DLGAP2: variants seen among roughly 807,000 people sequenced by gnomAD.
DLGAP2 encodes DLG associated protein 2, also known as disks large-associated protein 2.
A neutral mutation model predicts 100.3 loss-of-function variants in DLGAP2; 26 were observed. That is an observed-to-expected ratio of 0.26 (90% CI 0.19 to 0.36). The LOEUF is 0.36. Ranked by LOEUF, DLGAP2 falls within the 10% of genes least tolerant of loss-of-function variation. The probability of loss-of-function intolerance (pLI) is 1.00; values close to 1 mark genes in which losing one functional copy is unlikely to be tolerated. For synonymous variants in DLGAP2, 886 were observed against 630.1 expected (o/e 1.41, Z -6.08); for missense variants, 1,858 against 1,453.2 (o/e 1.28, Z -4.53).
At chr8:1,358,828 G>A (rs1801913223) in intron 3 of DLGAP2, among the ~76,000 whole-genome samples, 1 of 150,898 alleles carries the variant, frequency 6.6e-6, no homozygotes, top group South Asian at 2.1e-4. Context: ...TTTGTCATCA[G>A]AGGCAGAAAT....
At chr8:1,485,340 G>A (rs974666792) in intron 3 of DLGAP2, among the ~76,000 whole-genome samples, 3 of 152,132 alleles carry the variant, frequency 2.0e-5, no homozygotes, top group African/African-American at 7.2e-5. Flanking sequence ...GCATAGGCAG[G>A]ACTTATCTAT....
intron 3 of DLGAP2, among the ~76,000 whole-genome samples, chr8:1,454,632 C>T (rs1277226303): frequency 6.6e-6 from 1 of 152,164 alleles, no homozygotes; most frequent in Non-Finnish European, 1.5e-5. Context: ...GAGCTCCATT[C>T]CAGGGGCTGG....
At chr8:1,689,674 A>G (rs1394744617) in intron 12 of DLGAP2, among the ~76,000 whole-genome samples, 3 of 152,096 alleles carry the variant, frequency 2.0e-5, no homozygotes, top group Non-Finnish European at 2.9e-5. Flanking sequence ...CAGCTTGGCC[A>G]GAAGACGCAG....
intron 2 of DLGAP2, among the ~76,000 whole-genome samples, chr8:1,045,056 ATTTC>A (rs1263201366): frequency 6.6e-6 from 1 of 152,122 alleles, no homozygotes; most frequent in African/African-American, 2.4e-5. Context: ...CCTCCTGCCT[ATTTC>A]TTTCTTCTTT....
In DLGAP2 at chr8:1,092,772, A is replaced by G. The variant is rs375398487; in HGVS notation, c.74-166079A>G. Among the ~76,000 whole-genome samples the G allele has an allele frequency of 8.5e-5, 13 of 152,286 alleles. No homozygotes were observed. In the East Asian group the frequency reaches 2.5e-3, roughly 29 times the overall value. On this transcript the variant is annotated intron_variant, in intron 2 of 14. Coordinates refer to ENST00000637795, the MANE Select transcript of DLGAP2 (RefSeq NM_001346810.2). ...CCAGATGTGGCTCTCCCAGCAACACAGATGGTGTGGGGGACCCTCCCATGG... is the reference window on the plus strand; with the variant it reads ...CCAGATGTGGCTCTCCCAGCAACACGGATGGTGTGGGGGACCCTCCCATGG...
chr8:1,701,647 G>A lies in DLGAP2; in HGVS notation c.*241G>A. The A allele has an allele frequency of 1.8e-6, 1 of 562,124 alleles. No individual in the cohort carries two copies. Among genetic ancestry groups the A allele is most frequent in the Non-Finnish European group, 3.1e-6 (1 of 322,470 alleles). 34.8% of individuals were successfully genotyped at this position (562,124 alleles called of 1,614,324 possible). ...TTCACGGGTGGCCTGGCTCACACTTGGCTCTGAGGGACAGGTGTGGCGAGA... is the reference window on the plus strand; with the variant it reads ...TTCACGGGTGGCCTGGCTCACACTTAGCTCTGAGGGACAGGTGTGGCGAGA... On this transcript the variant is annotated 3_prime_UTR_variant, in exon 15 of 15. Coordinates refer to ENST00000637795, the MANE Select transcript of DLGAP2 (RefSeq NM_001346810.2).
At chr8:996,252 C>G (rs1800781487) in intron 2 of DLGAP2, among the ~76,000 whole-genome samples, 1 of 152,170 alleles carries the variant, frequency 6.6e-6, no homozygotes, top group African/African-American at 2.4e-5. Flanking sequence ...GAGATGGAGG[C>G]TGTGAGTTAC....
intron 3 of DLGAP2, among the ~76,000 whole-genome samples, chr8:1,333,809 C>T (rs10105323): frequency 0.31 from 47,309 of 152,168 alleles, 7,891 homozygotes; most frequent in African/African-American, 0.42. Context: ...TGGTCCATCT[C>T]CACCCGAACT....
intron 10 of DLGAP2, among the ~76,000 whole-genome samples, chr8:1,672,221 A>AT (rs1300619110): frequency 3.8e-5 from 5 of 131,664 alleles, no homozygotes; most frequent in Non-Finnish European, 7.7e-5. Context: ...GTTGTTTTTT[A>AT]TTTTTAATTT....
chr8:1,140,441 A>G lies in DLGAP2; in HGVS notation c.74-118410A>G, dbSNP rs140901407. 1.2e-3 allele frequency among the ~76,000 whole-genome samples: 184 copies of G among 152,208 alleles called. 3 individuals carry two copies. In the East Asian group the frequency reaches 0.03, roughly 25 times the overall value. On this transcript the variant is annotated intron_variant, in intron 2 of 14. Transcript: ENST00000637795. ...TCCCCTACCAGTGGTCTGTCCCAGC[A>G]ACTCCCAGAACCAGCCCTGGTGCCC... is the stretch of plus-strand genomic sequence containing the variant.
intron 2 of DLGAP2, among the ~76,000 whole-genome samples, chr8:1,161,586 G>A (rs148733419): frequency 2.0e-5 from 3 of 152,202 alleles, no homozygotes; most frequent in African/African-American, 7.2e-5. Context: ...CCCAAACTCC[G>A]CTCCACAGAA....
intron 3 of DLGAP2, among the ~76,000 whole-genome samples, chr8:1,424,311 T>C (rs552940527): frequency 6.6e-6 from 1 of 152,220 alleles, no homozygotes; most frequent in Non-Finnish European, 1.5e-5. Context: ...CAGAGACTTA[T>C]TAAGACGTGC....
chr8:1,343,150 G>T (rs1226950410), intron 3 of DLGAP2, among the ~76,000 whole-genome samples: 1 of 152,202 alleles, frequency 6.6e-6, no homozygotes, highest in Non-Finnish European at 1.5e-5. Flanking sequence ...ACCACCTGGA[G>T]GCTCAGGATA....
chr8:1,495,911 G>A (rs1554483983), intron 3 of DLGAP2, among the ~76,000 whole-genome samples: 3 of 152,192 alleles, frequency 2.0e-5, no homozygotes, highest in Non-Finnish European at 4.4e-5. Flanking sequence ...CCGGCGCCCA[G>A]CCTGTCCCGA....
intron 1 of DLGAP2, among the ~76,000 whole-genome samples, chr8:903,493 G>A (rs879275214): frequency 8.6e-5 from 13 of 151,486 alleles, no homozygotes; most frequent in Non-Finnish European, 1.8e-4. Flanking sequence ...AGCTAGTAAC[G>A]ACGGTCACCA....
At chr8:820,450 A>G (rs1030351300) in intron 1 of DLGAP2, among the ~76,000 whole-genome samples, 2 of 152,194 alleles carry the variant, frequency 1.3e-5, no homozygotes, top group African/African-American at 4.8e-5. Flanking sequence ...TAGAATAGAT[A>G]AGCATCCGGC....
chr8:1,463,457 C>T (rs1241565758), intron 3 of DLGAP2, among the ~76,000 whole-genome samples: 4 of 152,208 alleles, frequency 2.6e-5, no homozygotes, highest in African/African-American at 9.6e-5. Flanking sequence ...TCCCCAGGAA[C>T]TCCCTTCGAA....
chr8:1,170,351 G>T lies in DLGAP2; in HGVS notation c.74-88500G>T, dbSNP rs995269840. 1.3e-3 allele frequency among the ~76,000 whole-genome samples: 196 copies of T among 151,878 alleles called. 1 individual carries two copies. Among genetic ancestry groups the T allele is most frequent in the East Asian group, 3.3e-3 (17 of 5,162 alleles). On this transcript the variant is annotated intron_variant, in intron 2 of 14. Transcript: ENST00000637795. The stretch of plus-strand genomic sequence containing the variant: ...ATATTGGTCTAAAATTCTCTTTTTT[G>T]GTTGTGTCTCTGCCAGGCTTTGGTA...
intron 3 of DLGAP2, among the ~76,000 whole-genome samples, chr8:1,454,979 C>G (rs1798265271): frequency 6.6e-6 from 1 of 152,126 alleles, no homozygotes; most frequent in Admixed American, 6.6e-5. Flanking sequence ...ACACATTCAC[C>G]CATGGTAAGG....
Sources: allele counts gnomAD v4.1 joint callset (sites outside exome capture counted in the v4.1 genomes callset), GRCh38; gene constraint gnomAD v4.1.1; transcripts MANE v1.5; gene names NCBI Gene and HGNC (gene_info 2026-07-23, HGNC 2026-07-21).